CDC14B: variants seen among roughly 807,000 people sequenced by gnomAD.
CDC14B encodes cell division cycle 14B, also known as dual specificity protein phosphatase CDC14B.
A neutral mutation model predicts 64.2 loss-of-function variants in CDC14B; 22 were observed. That is an observed-to-expected ratio of 0.34 (90% confidence interval 0.24 to 0.49). The LOEUF (loss-of-function observed/expected upper bound fraction) is 0.49. Among genes scored for constraint, CDC14B ranks in the 20% least tolerant of loss-of-function variants. The probability of loss-of-function intolerance (pLI) is 0.99; values close to 1 mark genes in which losing one functional copy is unlikely to be tolerated. For synonymous variants in CDC14B, 191 were observed against 215.8 expected (o/e 0.89, Z 1.01); for missense variants, 498 against 629.9 (o/e 0.79, Z 2.24).
rs188304975 is a variant in CDC14B, at chr9:96,548,814, A to G, written c.497+2982T>C. Among the ~76,000 whole-genome samples the G allele has an allele frequency of 8.2e-3, 1,249 of 152,044 alleles. 8 individuals are homozygous for G. The highest frequency in any genetic ancestry group is 0.01 in the Admixed American group (156 of 15,270). On this transcript the variant is annotated intron_variant, in intron 5 of 13. Coordinates refer to ENST00000375241, the MANE Select transcript of CDC14B (RefSeq NM_033331.4). ...AGAATCTGTCTTTAAAAAAAAAAAA[A>G]AGAGAGAGAGAGAATTCTATCTAAG...
chr9:96,495,401 G>T (rs951647073), downstream of CDC14B, among the ~76,000 whole-genome samples: 1 of 66,518 alleles, frequency 1.5e-5, no homozygotes, highest in Non-Finnish European at 3.2e-5. Flanking sequence ...GCCCCCCCCC[G>T]CCCCCCGCCC....
intron 1 of CDC14B, among the ~76,000 whole-genome samples, chr9:96,596,728 G>T (rs1448950791): frequency 2.6e-5 from 4 of 152,026 alleles, no homozygotes; most frequent in Non-Finnish European, 5.9e-5. Context: ...AAGAGTAGTG[G>T]CATGTGCCTG....
At chr9:96,493,880 G>A (rs893828067) in intron 13 of CDC14B, among the ~76,000 whole-genome samples, 2 of 152,170 alleles carry the variant, frequency 1.3e-5, no homozygotes, top group Non-Finnish European at 2.9e-5. Flanking sequence ...GCCTGGCCAC[G>A]TGGACCATGC....
intron 5 of CDC14B, among the ~76,000 whole-genome samples, chr9:96,548,190 T>C (rs1841268208): frequency 2.0e-5 from 3 of 151,912 alleles, no homozygotes; most frequent in Non-Finnish European, 4.4e-5. Context: ...GAGATGTCAG[T>C]AGCAGAGCTG....
chr9:96,562,410 C>G, intron 4 of CDC14B: 1 of 349,782 alleles, frequency 2.9e-6, no homozygotes, highest in South Asian at 4.8e-5. Context: ...AAAACATAAA[C>G]CTTTGCCAAA....
intron 1 of CDC14B, among the ~76,000 whole-genome samples, chr9:96,577,223 C>T (rs1272738802): frequency 6.7e-6 from 1 of 150,342 alleles, no homozygotes; most frequent in South Asian, 2.1e-4. Context: ...TGCACTCCAG[C>T]CTGGGTGACA....
chr9:96,552,657 A>T (rs1841979852), intron 4 of CDC14B, among the ~76,000 whole-genome samples: 1 of 152,150 alleles, frequency 6.6e-6, no homozygotes, highest in Admixed American at 6.6e-5. Context: ...GCTTCTTACA[A>T]GTAACCTGTT....
chr9:96,566,356 CTATT>C (rs1843925701), intron 1 of CDC14B, among the ~76,000 whole-genome samples: 1 of 137,178 alleles, frequency 7.3e-6, no homozygotes, highest in African/African-American at 3.1e-5. Flanking sequence ...AAATGGTAAA[CTATT>C]TTTTTTTTTT....
intron 1 of CDC14B, among the ~76,000 whole-genome samples, chr9:96,605,178 AG>A (rs1252052492): frequency 2.0e-5 from 3 of 151,896 alleles, no homozygotes; most frequent in African/African-American, 4.8e-5. Flanking sequence ...AAGAGCACAG[AG>A]GAAAAAAAAA....
intron 9 of CDC14B, among the ~76,000 whole-genome samples, chr9:96,532,413 T>C (rs1838626401): frequency 1.3e-5 from 2 of 152,230 alleles, no homozygotes. Flanking sequence ...CTTTCAAGAC[T>C]GTCTGTGGCA....
intron 4 of CDC14B, among the ~76,000 whole-genome samples, chr9:96,553,355 C>T (rs1174654165): frequency 6.9e-6 from 1 of 144,914 alleles, no homozygotes; most frequent in Non-Finnish European, 1.5e-5. Flanking sequence ...TCTTTCTTTT[C>T]TTTTCTTTTT....
intron 1 of CDC14B, among the ~76,000 whole-genome samples, chr9:96,594,976 C>T (rs556985973): frequency 3.9e-5 from 6 of 152,062 alleles, no homozygotes; most frequent in Non-Finnish European, 8.8e-5. Flanking sequence ...GATGGTGAAA[C>T]CCCGTCTCTA....
At chr9:96,542,739 A>C (rs1427695102) in intron 5 of CDC14B, among the ~76,000 whole-genome samples, 1 of 151,742 alleles carries the variant, frequency 6.6e-6, no homozygotes, top group Non-Finnish European at 1.5e-5. Context: ...TGCCGGGCGC[A>C]GTGGCTCAGG....
chr9:96,520,950 G>A lies in CDC14B; in HGVS notation c.1343+1556C>T, dbSNP rs1836617525. On this transcript the variant is annotated intron_variant, in intron 12 of 13. Transcript: ENST00000375241. ...GAATTAGTATCTGGATGATTACCTG[G>A]AGCCACCATAATACTTCCAAAGAAA... Among the ~76,000 whole-genome samples, 3 of 152,200 alleles carry A rather than the reference G, an allele frequency of 2.0e-5. No homozygotes were observed. In the South Asian group the frequency reaches 6.2e-4, roughly 32 times the overall value.
chr9:96,600,396 C>T (rs1025037050), intron 1 of CDC14B, among the ~76,000 whole-genome samples: 5 of 151,966 alleles, frequency 3.3e-5, no homozygotes, highest in African/African-American at 1.2e-4. Flanking sequence ...TATACTTATT[C>T]TCAGAACCAT....
Position 96,619,524 on chromosome 9 carries a change from G to A in CDC14B, c.-146C>T, listed in dbSNP as rs1272021861. Reference sequence around the variant, plus strand: ...GGACGGCGGGCGCCGGCAGAGCCCGGCGGGAGGCGGTCGCGCAGGAGCCGG... The same window carrying A: ...GGACGGCGGGCGCCGGCAGAGCCCGACGGGAGGCGGTCGCGCAGGAGCCGG... On this transcript the variant is annotated 5_prime_UTR_variant, in exon 1 of 14. Transcript: ENST00000375241. The A allele has an allele frequency of 4.6e-6, 1 of 219,210 alleles. No individual in the cohort carries two copies. Among genetic ancestry groups the A allele is most frequent in the Non-Finnish European group, 7.5e-6 (1 of 132,816 alleles). The allele number at this position is 219,210 out of a possible 1,614,324, so 13.6% of individuals were successfully genotyped here. A position where few individuals can be genotyped will look rare whatever the true frequency, so the allele number is the denominator to read the frequency against.
rs1354343508 is a variant in CDC14B at position 96,500,544 on chromosome 9, G to T, written c.*3209C>A. 1.3e-5 allele frequency: 2 copies of T among 152,624 alleles called. No homozygotes were observed. The highest frequency in any genetic ancestry group is 2.9e-5 in the Non-Finnish European group (2 of 68,050). The allele number at this position is 152,624 out of a possible 1,614,324, so 9.5% of individuals were successfully genotyped here. On this transcript the variant is annotated 3_prime_UTR_variant, in exon 14 of 14. Coordinates refer to ENST00000375241, the MANE Select transcript of CDC14B (RefSeq NM_033331.4). The stretch of plus-strand genomic sequence containing the variant: ...AGGAGGTAATTTCCTACACAGTATA[G>T]GTGAATTGTCCAGTCTTTAAACACA...
In CDC14B at chr9:96,560,795, C is replaced by T. The variant is rs900380265; in HGVS notation, c.420+1898G>A. ...TTTTTTAAGGCTTTTGCTGCAAGTA[C>T]GAGAAACACCAAGAGAGGCTGGGAG... On this transcript the variant is annotated intron_variant, in intron 4 of 13. Transcript: ENST00000375241. Among the ~76,000 whole-genome samples the T allele has an allele frequency of 7.4e-5, 11 of 147,956 alleles. No homozygotes were observed. In the South Asian group the frequency reaches 8.5e-4, roughly 11 times the overall value.
intron 7 of CDC14B, among the ~76,000 whole-genome samples, chr9:96,538,314 T>C (rs993016135): frequency 4.6e-5 from 7 of 152,134 alleles, no homozygotes; most frequent in African/African-American, 1.4e-4. Flanking sequence ...CACTGAGAAT[T>C]GGGACAGGAG....
Sources: gnomAD v4.1 joint callset for allele counts (sites outside exome capture counted in the v4.1 genomes callset) on GRCh38, gnomAD v4.1.1 for gene constraint, MANE v1.5 for transcripts, NCBI Gene and HGNC (gene_info 2026-07-23, HGNC 2026-07-21) for gene names.